The following NOS3 variants were observed in gnomAD, a reference collection of about 807,000 sequenced individuals.
The protein encoded by NOS3 is nitric oxide synthase 3.
Under a neutral mutation model 144.9 loss-of-function variants are expected in NOS3, and 98 were observed. That is an observed-to-expected ratio of 0.68 (90% CI 0.57 to 0.80). The LOEUF is 0.80. Ranked by LOEUF, NOS3 falls within the 30% of genes least tolerant of loss-of-function variation. The probability of loss-of-function intolerance (pLI) is 0.00; values close to 1 mark genes in which losing one functional copy is unlikely to be tolerated. For missense variants in NOS3, 1,465 were observed against 1,656.4 expected (o/e 0.88, Z 2.01); for synonymous variants, 714 against 702.4 (o/e 1.02, Z -0.26).
intron 14 of NOS3, among the ~76,000 whole-genome samples, chr7:151,004,285 G>A (rs1252895754): frequency 1.3e-5 from 2 of 152,168 alleles, no homozygotes; most frequent in Admixed American, 6.5e-5. Flanking sequence ...GCAGTGAGCC[G>A]AGATCACGCC....
rs373133695 is a variant in NOS3 at position 151,014,145 on chromosome 7, C to T, written c.3588C>T (p.Pro1196=). 1.9e-6 allele frequency: 3 copies of T among 1,609,208 alleles called. No homozygotes were observed. The part of the protein sequence containing the change: ...RGAVPWAFDP[P]GSDTNSP ...CAGTGCCCTGGGCGTTCGACCCTCC[C>T]GGCTCAGACACCAACAGCCCCTGAG... is the stretch of plus-strand genomic sequence containing the variant. Residue 1196 remains proline, a synonymous_variant, in exon 27 of 27, where the codon CCC becomes CCT. Transcript: ENST00000297494.
At chr7:151,008,543 G>A (rs938044181) in intron 17 of NOS3, among the ~76,000 whole-genome samples, 2 of 152,210 alleles carry the variant, frequency 1.3e-5, no homozygotes, top group African/African-American at 4.8e-5. Flanking sequence ...ATCTTCACCA[G>A]AACACAATGA....
Position 150,996,875 on chromosome 7 carries a change from T to C in NOS3, c.532T>C (p.Trp178Arg). ...SELVFGAKQA[W>R]RNAPRCVGRI... ...GCTGGTGTTCGGGGCTAAGCAGGCC[T>C]GGCGCAACGCTCCCCGCTGCGTGGG... Residue 178 changes from tryptophan to arginine, a missense_variant, in exon 5 of 27, where the codon TGG (tryptophan) becomes CGG (arginine). Physicochemically the swap from Trp to Arg is moderately radical, Grantham distance 101. Around this residue, in one of 5 missense-constraint regions of NOS3, gnomAD observed 374 missense variants for 377.0 expected, o/e 0.99. Transcript: ENST00000297494. 6.3e-7 allele frequency: 1 copy of C among 1,588,376 alleles called. No homozygotes were observed. Among genetic ancestry groups the C allele is most frequent in the African/African-American group, 1.3e-5 (1 of 74,604 alleles).
Position 150,998,409 on chromosome 7 carries a change from G to A in NOS3, c.635G>A (p.Cys212Tyr). 1 of 1,612,550 alleles carries A rather than the reference G, an allele frequency of 6.2e-7. No individual in the cohort carries two copies. Among genetic ancestry groups the A allele is most frequent in the Non-Finnish European group, 8.5e-7 (1 of 1,179,892 alleles). ...GCACAGGAAATGTTCACCTACATCT[G>A]CAACCACATCAAGTATGCCACCAAC... ...RSAQEMFTYICNHIKYATNRG... is the reference protein window; with the variant it reads ...RSAQEMFTYIYNHIKYATNRG... The change falls in exon 6 of 27, where the codon TGC becomes TAC. Residue 212 changes from cysteine to tyrosine, a missense_variant. Coordinates refer to ENST00000297494, the MANE Select transcript of NOS3 (RefSeq NM_000603.5). This position sits in a 1 kb window ranked among gnomAD's most constrained non-coding sequence, Gnocchi z 5.0.
Position 151,009,056 on chromosome 7 carries a change from C to G in NOS3, c.2239C>G (p.Leu747Val). 6.2e-7 allele frequency: 1 copy of G among 1,612,886 alleles called. No individual in the cohort carries two copies. ...CGCCCAGGCCGAGGGCCTGCAGTTG[C>G]TGCCAGGTGGGCCCTGCCCTCACCC... is the stretch of plus-strand genomic sequence containing the variant. ...LSAQAEGLQL[L>V]PGLIHVHRRK... Residue 747 changes from leucine (L) to valine (V), a missense_variant, in exon 18 of 27, where the codon CTG becomes GTG. Physicochemically the swap from Leu to Val is conservative, Grantham distance 32. This residue lies in a region of NOS3 where 745 missense variants were observed against 853.9 expected (regional missense o/e 0.87). Transcript: ENST00000297494.
chr7:150,997,214 CAGGGGTGAGGAAGTCTAGACCTGCT>C (rs1802450924), intron 5 of NOS3, among the ~76,000 whole-genome samples: 1 of 151,486 alleles, frequency 6.6e-6, no homozygotes, highest in Non-Finnish European at 1.5e-5. Flanking sequence ...AGACCTGCTG[CAGGGGTGAGGAAGTCTAGACCTGCT>C]GCAGGGGTGA....
rs1336002535 is a variant in NOS3 at position 150,998,874 on chromosome 7, C to G, written c.817-72C>G. 6.5e-6 allele frequency: 10 copies of G among 1,544,752 alleles called. No individual in the cohort carries two copies. Among genetic ancestry groups the G allele is most frequent in the Non-Finnish European group, 8.8e-6 (10 of 1,142,492 alleles). On this transcript the variant is annotated intron_variant, in intron 7 of 26. Transcript: ENST00000297494. The surrounding 1 kb of genome is among the most constrained non-coding windows in gnomAD (Gnocchi z 5.0). ...GGACCCTGGAGATGAAGGCAGGAGA[C>G]AGTGGATGGAGGGGTCCCTGAGGAG...
At chr7:151,013,627 CTCCGGAGACTTTCACG>C (rs1226811131) in intron 25 of NOS3, 81 bp from the exon 26 acceptor site, 15 of 1,240,200 alleles carry the variant, frequency 1.2e-5, no homozygotes, top group Non-Finnish European at 1.7e-5. Context: ...ACCAGGCCCG[CTCCGGAGACTTTCACG>C]TCCAGGGCCA....
At chr7:150,994,568 G>A (rs911837275) in intron 2 of NOS3, among the ~76,000 whole-genome samples, 4 of 152,132 alleles carry the variant, frequency 2.6e-5, no homozygotes, top group African/African-American at 9.7e-5. Context: ...GAGTCCTCCC[G>A]GGGGTAGAGG....
rs768251982 is a variant in NOS3 at position 150,998,716 on chromosome 7, A to C, written c.816+36A>C. On this transcript the variant is annotated intron_variant, in intron 7 of 26. Transcript: ENST00000297494. This position sits in a 1 kb window ranked among gnomAD's most constrained non-coding sequence, Gnocchi z 5.0. ...AGGGCCACCCATGAGGGTGTCCCCA[A>C]GGTGGAGAATGAGGAAACCAGTGGG... The C allele has an allele frequency of 8.8e-6, 14 of 1,582,902 alleles. No individual in the cohort carries two copies. The highest frequency in any genetic ancestry group is 1.2e-5 in the Non-Finnish European group (14 of 1,164,424).
intron 21 of NOS3, 32 bp from the exon 22 acceptor site, chr7:151,010,565 G>A (rs1237391746): frequency 1.3e-6 from 2 of 1,524,044 alleles, no homozygotes; most frequent in Non-Finnish European, 1.8e-6. Context: ...AGGGCTATGG[G>A]GCCTCCAACC....
chr7:150,997,341 G>C (rs1260795368), intron 5 of NOS3, among the ~76,000 whole-genome samples: 1 of 152,078 alleles, frequency 6.6e-6, no homozygotes, highest in Non-Finnish European at 1.5e-5. Flanking sequence ...GGTGCTGTCA[G>C]TAGCAGGAGC....
rs1802479354 is a variant in NOS3 at position 150,998,294 on chromosome 7, C to T, written c.583-63C>T. 2.7e-6 allele frequency: 4 copies of T among 1,463,394 alleles called. No individual in the cohort carries two copies. Among genetic ancestry groups the T allele is most frequent in the Non-Finnish European group, 3.8e-6 (4 of 1,061,658 alleles). The allele number at this position is 1,463,394 out of a possible 1,614,324, so 90.7% of individuals were successfully genotyped here. A position where few individuals can be genotyped will look rare whatever the true frequency, so the allele number is the denominator to read the frequency against. ...CTCCTCACCAGCAGCTCCTCTGGAG[C>T]TGATACTCAAGACCCCCCGTCTCTC... On this transcript the variant is annotated intron_variant, in intron 5 of 26. Transcript: ENST00000297494. The surrounding 1 kb of genome is among the most constrained non-coding windows in gnomAD (Gnocchi z 5.0).
intron 24 of NOS3, 165 bp from the exon 25 acceptor site, chr7:151,013,066 C>G: frequency 2.7e-6 from 2 of 743,188 alleles, no homozygotes; most frequent in East Asian, 2.7e-5. Flanking sequence ...TGTGCAGGGT[C>G]TCTGTGAAAG....
Position 151,003,734 on chromosome 7 carries a change from C to T in NOS3, c.1752+1430C>T, listed in dbSNP as rs370700328. The T allele has an allele frequency of 1.2e-5, 6 of 485,650 alleles. No homozygotes were observed. The highest frequency in any genetic ancestry group is 6.0e-5 in the African/African-American group (3 of 50,154). 30.1% of individuals were successfully genotyped at this position (485,650 alleles called of 1,614,324 possible). A position where few individuals can be genotyped will look rare whatever the true frequency, so the allele number is the denominator to read the frequency against. On this transcript the variant is annotated intron_variant, in intron 14 of 26. Coordinates refer to ENST00000297494, the MANE Select transcript of NOS3 (RefSeq NM_000603.5). The surrounding 1 kb of genome is among the most constrained non-coding windows in gnomAD (Gnocchi z 4.1). ...AGAACGGCACCTAGATGGAAGCACG[C>T]AGTGTTGCGGCGTCTCCTGCTGAGG... is the stretch of plus-strand genomic sequence containing the variant.
At chr7:151,000,217 C>G (rs1364435734) in intron 9 of NOS3, among the ~76,000 whole-genome samples, 1 of 151,854 alleles carries the variant, frequency 6.6e-6, no homozygotes, top group Non-Finnish European at 1.5e-5. Flanking sequence ...GAGCTTTCAT[C>G]AGATTCTCAA....
In NOS3 at chr7:151,013,325, C is replaced by T. The variant is rs775282859; in HGVS notation, c.3201C>T (p.Arg1067=). The T allele has an allele frequency of 1.9e-6, 3 of 1,614,042 alleles. No individual in the cohort carries two copies. Among genetic ancestry groups the T allele is most frequent in the Non-Finnish European group, 2.5e-6 (3 of 1,180,010 alleles). The part of the protein sequence containing the change: ...YRDEVQNAQQ[R]GVFGRVLTAF... ...ACGAGGTGCAGAACGCCCAGCAGCG[C>T]GGGGTGTTTGGCCGAGTCCTCACCG... The change falls in exon 25 of 27, where the codon CGC becomes CGT. Residue 1067 remains arginine, a synonymous_variant. Coordinates refer to ENST00000297494, the MANE Select transcript of NOS3 (RefSeq NM_000603.5).
Position 151,009,149 on chromosome 7 carries a change from C to T in NOS3, c.2246-40C>T, listed in dbSNP as rs374936984. The stretch of plus-strand genomic sequence containing the variant: ...AGCACTCTGGGGCCAGGCCCTGCTC[C>T]CTAGCTCAGGCTGCCTCATTTGCCC... On this transcript the variant is annotated intron_variant, in intron 18 of 26. Transcript: ENST00000297494. 3.7e-6 allele frequency: 6 copies of T among 1,613,322 alleles called. No individual in the cohort carries two copies. In the African/African-American group the frequency reaches 8.0e-5, roughly 22 times the overall value.
chr7:151,011,194 G>T (rs1198953866), intron 23 of NOS3, among the ~76,000 whole-genome samples: 1 of 152,058 alleles, frequency 6.6e-6, no homozygotes, highest in Non-Finnish European at 1.5e-5. Context: ...TGAAACTATA[G>T]CTCCCAGAGC....
Sources: allele counts gnomAD v4.1 joint callset (sites outside exome capture counted in the v4.1 genomes callset), GRCh38; gene constraint gnomAD v4.1.1; regional missense constraint gnomAD v4.1.1; non-coding constraint Gnocchi (gnomAD v3.1); transcripts MANE v1.5; gene names NCBI Gene and HGNC (gene_info 2026-07-23, HGNC 2026-07-21).